Variants in STK33 observed in about 807,000 individuals in gnomAD.
STK33 encodes serine/threonine-protein kinase 33.
In STK33, 52 loss-of-function variants were observed where a neutral mutation model predicts 58.0. That is an observed-to-expected ratio of 0.90 (90% CI 0.72 to 1.13). The LOEUF is 1.13. STK33 is among the 50% of genes most tolerant of loss of function. The pLI, the probability that STK33 is intolerant of heterozygous loss-of-function variation, is 0.00. For synonymous variants in STK33, 215 were observed against 200.1 expected (o/e 1.07, Z -0.63); for missense variants, 630 against 604.2 (o/e 1.04, Z -0.45).
chr11:8,428,118 C>G (rs1942990231), intron 14 of STK33, among the ~76,000 whole-genome samples: 1 of 152,204 alleles, frequency 6.6e-6, no homozygotes, highest in South Asian at 2.1e-4. Flanking sequence ...GAGAAATAAT[C>G]TGAGGAGGAG....
chr11:8,344,844 G>A, the STK33 span, among the ~76,000 whole-genome samples: 94 of 152,258 alleles, frequency 6.2e-4, no homozygotes, highest in African/African-American at 2.2e-3. Flanking sequence ...GTGCTTCCTC[G>A]CTCAGCATCC....
intron 1 of STK33, among the ~76,000 whole-genome samples, chr11:8,586,853 A>G (rs1018339122): frequency 2.7e-5 from 4 of 146,110 alleles, no homozygotes; most frequent in African/African-American, 1.0e-4. Context: ...AAAAAAAATT[A>G]TTAGCTTGTT....
chr11:8,465,621 T>C (rs1948086716), intron 6 of STK33: 1 of 152,240 alleles, frequency 6.6e-6, no homozygotes, highest in African/African-American at 2.4e-5. Context: ...AACAAGAGTT[T>C]CTGGACCCAT....
intron 14 of STK33, chr11:8,434,325 C>G (rs1329005826): frequency 5.9e-6 from 1 of 168,806 alleles, no homozygotes; most frequent in Non-Finnish European, 1.3e-5. Flanking sequence ...ATCCCCAATA[C>G]CTAACACAGT....
chr11:8,448,976 A>G (rs1456310729), intron 11 of STK33, among the ~76,000 whole-genome samples: 2 of 151,754 alleles, frequency 1.3e-5, no homozygotes, highest in Non-Finnish European at 2.9e-5. Context: ...GGCAAAGGAA[A>G]TGAACAGACA....
intron 7 of STK33, among the ~76,000 whole-genome samples, chr11:8,462,472 C>CACACACAT (rs541126483): frequency 3.1e-4 from 44 of 141,918 alleles, no homozygotes; most frequent in South Asian, 1.1e-3. Context: ...CACACACACA[C>CACACACAT]ATATATATAT....
downstream of STK33, among the ~76,000 whole-genome samples, chr11:8,390,138 C>A (rs1476078473): frequency 2.0e-5 from 3 of 152,160 alleles, no homozygotes; most frequent in African/African-American, 7.2e-5. Flanking sequence ...TGATATCATC[C>A]TCTATTCTCC....
At chr11:8,345,555 T>A in the STK33 span, among the ~76,000 whole-genome samples, 2 of 152,218 alleles carry the variant, frequency 1.3e-5, no homozygotes, top group African/African-American at 4.8e-5. Flanking sequence ...AGCATGCGGT[T>A]TGGGTGTGCC....
chr11:8,394,516 C>T (rs923853025), intron 15 of STK33, among the ~76,000 whole-genome samples: 2 of 152,244 alleles, frequency 1.3e-5, no homozygotes, highest in East Asian at 1.9e-4. Flanking sequence ...CTTTAATGTG[C>T]TTATATTCAT....
At chr11:8,353,864 T>C in the STK33 span, among the ~76,000 whole-genome samples, 1 of 152,206 alleles carries the variant, frequency 6.6e-6, no homozygotes, top group Non-Finnish European at 1.5e-5. Context: ...CCAGGCCATT[T>C]GGAACCAAAT....
At chr11:8,571,576 G>T (rs1957809149) in intron 1 of STK33, among the ~76,000 whole-genome samples, 1 of 152,194 alleles carries the variant, frequency 6.6e-6, no homozygotes. Flanking sequence ...GCTCACGCCT[G>T]TAATCCCAAC....
At chr11:8,533,859 G>A (rs182140798) in intron 1 of STK33, among the ~76,000 whole-genome samples, 7 of 152,216 alleles carry the variant, frequency 4.6e-5, no homozygotes, top group African/African-American at 1.7e-4. Context: ...CAGAATATCT[G>A]CTGTACAGTT....
intron 14 of STK33, among the ~76,000 whole-genome samples, chr11:8,423,034 G>T (rs1259409686): frequency 1.0e-4 from 15 of 149,558 alleles, no homozygotes; most frequent in Non-Finnish European, 7.5e-5. Context: ...TAGGGACAGG[G>T]TCTCACTATG....
intron 1 of STK33, among the ~76,000 whole-genome samples, chr11:8,527,855 C>G (rs1406829197): frequency 6.6e-6 from 1 of 152,178 alleles, no homozygotes; most frequent in Non-Finnish European, 1.5e-5. Context: ...ACAAGGTAAT[C>G]CCTATGGTGC....
At chr11:8,515,826 T>C (rs2077059773) in intron 1 of STK33, among the ~76,000 whole-genome samples, 1 of 152,134 alleles carries the variant, frequency 6.6e-6, no homozygotes, top group African/African-American at 2.4e-5. Context: ...AAACCAGGAA[T>C]AGAAGAAAAC....
intron 15 of STK33, among the ~76,000 whole-genome samples, chr11:8,394,963 G>A (rs540700461): frequency 6.6e-6 from 1 of 152,134 alleles, no homozygotes; most frequent in South Asian, 2.1e-4. Flanking sequence ...CTAGTTAACT[G>A]AGCTCTGCCC....
chr11:8,495,288 A>G (rs545743345), intron 1 of STK33, among the ~76,000 whole-genome samples: 1 of 152,380 alleles, frequency 6.6e-6, no homozygotes, highest in South Asian at 2.1e-4. Context: ...TGGGCAAAGG[A>G]TATGAACAGA....
At chr11:8,588,436 G>T (rs908516719) in intron 1 of STK33, among the ~76,000 whole-genome samples, 2 of 152,202 alleles carry the variant, frequency 1.3e-5, no homozygotes, top group African/African-American at 4.8e-5. Context: ...CAAGTGAAAT[G>T]AAGTGTACAA....
At chr11:8,364,504 A>G in the STK33 span, among the ~76,000 whole-genome samples, 1 of 152,188 alleles carries the variant, frequency 6.6e-6, no homozygotes, top group Non-Finnish European at 1.5e-5. Flanking sequence ...ATTGATCATG[A>G]TATGTATCTG....
Sources: gnomAD v4.1 joint callset for allele counts (sites outside exome capture counted in the v4.1 genomes callset) on GRCh38, gnomAD v4.1.1 for gene constraint, MANE v1.5 for transcripts, NCBI Gene and HGNC (gene_info 2026-07-23, HGNC 2026-07-21) for gene names.